Variants in TRMT44 observed in about 807,000 individuals in gnomAD.
TRMT44 encodes probable tRNA (uracil-O(2)-)-methyltransferase.
Under a neutral mutation model 77.3 loss-of-function variants are expected in TRMT44, and 78 were observed. The observed-to-expected ratio is 1.01, with a 90% CI of 0.84 to 1.22. The LOEUF (loss-of-function observed/expected upper bound fraction) is 1.22. Among genes scored for constraint, TRMT44 ranks in the 50% most tolerant of loss-of-function variants. The pLI, the probability that TRMT44 is intolerant of heterozygous loss-of-function variation, is 0.00. For synonymous variants in TRMT44, 391 were observed against 383.3 expected (o/e 1.02, Z -0.23); for missense variants, 1,090 against 964.4 (o/e 1.13, Z -1.73).
chr4:8,494,290 C>T (rs1728092658), downstream of TRMT44, among the ~76,000 whole-genome samples: 1 of 152,144 alleles, frequency 6.6e-6, no homozygotes. Context: ...CACCCTAAAA[C>T]AGTTGTGTTA....
the TRMT44 span, among the ~76,000 whole-genome samples, chr4:8,499,521 G>T: frequency 2.7e-5 from 4 of 145,664 alleles, no homozygotes; most frequent in African/African-American, 1.0e-4. Context: ...TGAGTGTGGG[G>T]GTGGGCAGGG....
At chr4:8,503,910 C>T in the TRMT44 span, among the ~76,000 whole-genome samples, 26 of 152,348 alleles carry the variant, frequency 1.7e-4, no homozygotes, top group East Asian at 2.9e-3. Flanking sequence ...AGCCCTCACA[C>T]GCACCTCGGT....
intron 6 of TRMT44, among the ~76,000 whole-genome samples, chr4:8,460,087 C>T (rs973200416): frequency 6.6e-6 from 1 of 152,208 alleles, no homozygotes; most frequent in Non-Finnish European, 1.5e-5. Flanking sequence ...TCAGTCAGAT[C>T]TTGGTCAAGA....
intron 2 of TRMT44, among the ~76,000 whole-genome samples, chr4:8,447,390 T>G (rs1412580152): frequency 2.6e-5 from 4 of 152,214 alleles, no homozygotes; most frequent in African/African-American, 9.7e-5. Flanking sequence ...ATTCATGACT[T>G]GTCAGCTGAT....
rs1330339280 is a variant in TRMT44, at chr4:8,446,561, A to G, written c.705A>G (p.Gln235=). ...AGGTTAAGATGAGCAATGTGTATCA[A>G]ATTCAGCTCAGTCATAGCAAAGAAG... is the stretch of plus-strand genomic sequence containing the variant. ...NLKVKMSNVY[Q]IQLSHSKEEW... is the part of the protein sequence containing the mutation. Residue 235 remains glutamine (Q), a synonymous_variant, in exon 2 of 11, where the codon CAA becomes CAG. Transcript: ENST00000389737. This position sits in a 1 kb window ranked among gnomAD's most constrained non-coding sequence, Gnocchi z 4.3. The G allele has an allele frequency of 1.3e-6, 2 of 1,536,034 alleles. No homozygotes were observed. Among genetic ancestry groups the G allele is most frequent in the Middle Eastern group, 1.7e-4 (1 of 6,014 alleles).
intron 6 of TRMT44, among the ~76,000 whole-genome samples, chr4:8,459,422 G>A (rs748525256): frequency 3.3e-5 from 5 of 152,170 alleles, no homozygotes; most frequent in Non-Finnish European, 7.3e-5. Flanking sequence ...CATTTTACAG[G>A]CGAGGAAACC....
At chr4:8,500,375 G>A in the TRMT44 span, among the ~76,000 whole-genome samples, 1 of 150,056 alleles carries the variant, frequency 6.7e-6, no homozygotes, top group Non-Finnish European at 1.5e-5. Flanking sequence ...ACCCATAATC[G>A]CAGCTACTCA....
At chr4:8,506,090 G>A in the TRMT44 span, among the ~76,000 whole-genome samples, 1 of 152,258 alleles carries the variant, frequency 6.6e-6, no homozygotes, top group Non-Finnish European at 1.5e-5. Flanking sequence ...AGTTGGGGAC[G>A]AGGGCTGTGT....
downstream of TRMT44, chr4:8,478,530 G>C (rs1004523560): frequency 6.6e-6 from 1 of 152,460 alleles, no homozygotes; most frequent in Admixed American, 6.5e-5. Context: ...CATGTGACTG[G>C]GTGTCGGGCA....
At chr4:8,459,766 G>A (rs759575323) in intron 6 of TRMT44, among the ~76,000 whole-genome samples, 2 of 152,098 alleles carry the variant, frequency 1.3e-5, no homozygotes, top group Admixed American at 6.6e-5. Flanking sequence ...CCTACCTGCC[G>A]GGCACTCTTA....
the TRMT44 span, among the ~76,000 whole-genome samples, chr4:8,506,172 G>A: frequency 6.6e-6 from 1 of 152,170 alleles, no homozygotes; most frequent in African/African-American, 2.4e-5. Context: ...GCTCTCATGG[G>A]GACATTCACA....
intron 9 of TRMT44, among the ~76,000 whole-genome samples, chr4:8,470,595 G>T (rs538315921): frequency 2.6e-4 from 39 of 152,346 alleles, no homozygotes; most frequent in African/African-American, 8.9e-4. Flanking sequence ...TGTCTGTGCT[G>T]TTCCTTTTTT....
intron 6 of TRMT44, among the ~76,000 whole-genome samples, chr4:8,459,973 A>C (rs775293447): frequency 1.8e-4 from 28 of 152,168 alleles, no homozygotes; most frequent in Non-Finnish European, 3.4e-4. Context: ...GGCTACAGAC[A>C]TCAAGACACC....
intron 2 of TRMT44, among the ~76,000 whole-genome samples, chr4:8,447,377 T>G (rs1043665290): frequency 2.6e-5 from 4 of 152,210 alleles, no homozygotes; most frequent in African/African-American, 9.7e-5. Context: ...GAGGGGTGAA[T>G]TCATTCATGA....
chr4:8,441,425 G>T lies in TRMT44; in HGVS notation c.603G>T (p.Arg201Ser). The T allele has an allele frequency of 6.6e-7, 1 of 1,516,708 alleles. No individual in the cohort carries two copies. Among genetic ancestry groups the T allele is most frequent in the South Asian group, 1.2e-5 (1 of 82,162 alleles). 94.0% of individuals were successfully genotyped at this position (1,516,708 alleles called of 1,614,324 possible). A position where few individuals can be genotyped will look rare whatever the true frequency, so the allele number is the denominator to read the frequency against. The change falls in exon 1 of 11, where the codon AGG becomes AGT. Residue 201 changes from arginine to serine, a missense_variant. By Grantham distance (110) the Arg-to-Ser change is moderately radical (BLOSUM62 -1). Transcript: ENST00000389737. ...ATTGCCCCCTTACAACTCCCAGGAG[G>T]GAAATAGTCGTGCAAGGTAAGAGTG... ...SPHCPLTTPR[R>S]EIVVQDVLNG...
At chr4:8,496,814 A>G (rs1383070708), downstream of TRMT44, among the ~76,000 whole-genome samples, 1 of 151,500 alleles carries the variant, frequency 6.6e-6, no homozygotes. Flanking sequence ...TAAAGCACGA[A>G]ATGGGGTTAA....
At chr4:8,462,326 T>C (rs754344423) in intron 6 of TRMT44, among the ~76,000 whole-genome samples, 32 of 151,508 alleles carry the variant, frequency 2.1e-4, no homozygotes, top group Non-Finnish European at 4.0e-4. Context: ...CAGGAGAATC[T>C]CTTGAACCAG....
chr4:8,454,451 A>G, intron 5 of TRMT44: 1 of 397,614 alleles, frequency 2.5e-6, no homozygotes, highest in East Asian at 3.9e-5. Context: ...TGTGCAGGCC[A>G]TCAGTACAGT....
At chr4:8,494,502 CT>C (rs1728097663), downstream of TRMT44, among the ~76,000 whole-genome samples, 1 of 152,200 alleles carries the variant, frequency 6.6e-6, no homozygotes. Flanking sequence ...TGATCGAGGA[CT>C]CAAAAGAACA....
Sources: allele counts gnomAD v4.1 joint callset (sites outside exome capture counted in the v4.1 genomes callset), GRCh38; gene constraint gnomAD v4.1.1; non-coding constraint Gnocchi (gnomAD v3.1); transcripts MANE v1.5; gene names NCBI Gene and HGNC (gene_info 2026-07-23, HGNC 2026-07-21).